Variants in TRIP12 observed in about 807,000 individuals in gnomAD.
TRIP12 encodes the protein E3 ubiquitin-protein ligase TRIP12.
TRIP12 carries 25 observed loss-of-function variants against 244.2 expected under a neutral mutation model. That is an observed-to-expected ratio of 0.10 (90% CI 0.07 to 0.14). TRIP12 has a LOEUF of 0.14. TRIP12 is among the 10% of genes least tolerant of loss of function. The pLI, the probability that TRIP12 is intolerant of heterozygous loss-of-function variation, is 1.00. For missense variants in TRIP12, 1,677 were observed against 2,486.4 expected (o/e 0.67, Z 6.92); for synonymous variants, 905 against 873.1 (o/e 1.04, Z -0.64).
At chr2:229,890,354 C>T (rs1001875267) in intron 1 of TRIP12, among the ~76,000 whole-genome samples, 2 of 152,148 alleles carry the variant, frequency 1.3e-5, no homozygotes, top group African/African-American at 2.4e-5. Context: ...CCTGCCTCGG[C>T]CTCCCAAGGT....
At chr2:229,817,897 C>T (rs1559611925) in intron 9 of TRIP12, among the ~76,000 whole-genome samples, 2 of 152,030 alleles carry the variant, frequency 1.3e-5, no homozygotes, top group South Asian at 2.1e-4. Flanking sequence ...CACTGGCCAA[C>T]ATAAAAGCTT....
In TRIP12 at chr2:229,792,046, G is replaced by A; in HGVS notation, c.4235C>T (p.Ser1412Leu). 1 of 1,614,060 alleles carries A rather than the reference G, an allele frequency of 6.2e-7. No individual in the cohort carries two copies. Among genetic ancestry groups the A allele is most frequent in the Non-Finnish European group, 8.5e-7 (1 of 1,179,978 alleles). The change falls in exon 29 of 42, where the codon TCA becomes TTA. Residue 1412 changes from serine (S) to leucine (L), a missense_variant. Transcript: ENST00000675903. ...CTGCAGCCTGTGTCTTACATTTCCT[G>A]AATTTAGGAACTGAGCAGCCTGAAT... is the stretch of plus-strand genomic sequence containing the variant. ...DESLAAQFLN[S>L]GNVRHRLQFY...
intron 4 of TRIP12, among the ~76,000 whole-genome samples, chr2:229,845,023 A>C (rs1222956937): frequency 6.6e-6 from 1 of 152,194 alleles, no homozygotes. Flanking sequence ...CTCCTCCACC[A>C]TACTGATTCA....
At chr2:229,779,834 C>G (rs1035889846) in intron 34 of TRIP12, among the ~76,000 whole-genome samples, 4 of 152,168 alleles carry the variant, frequency 2.6e-5, no homozygotes, top group Non-Finnish European at 5.9e-5. Context: ...CCATGAGACA[C>G]CTGATGTGGA....
chr2:229,803,194 A>C (rs1318734785), intron 20 of TRIP12, among the ~76,000 whole-genome samples: 1 of 152,246 alleles, frequency 6.6e-6, no homozygotes, highest in African/African-American at 2.4e-5. Flanking sequence ...ATTAAAAGAC[A>C]AACTGTAATC....
chr2:229,901,268 A>C (rs570002376), intron 1 of TRIP12, among the ~76,000 whole-genome samples: 1 of 152,060 alleles, frequency 6.6e-6, no homozygotes, highest in South Asian at 2.1e-4. Flanking sequence ...TATTTTGTTC[A>C]CAAAATGCTT....
At chr2:229,917,380 C>CAAAAAAAAAAAAAAAAAAAA (rs60397605) in intron 1 of TRIP12, among the ~76,000 whole-genome samples, 8 of 29,264 alleles carry the variant, frequency 2.7e-4, no homozygotes, top group African/African-American at 3.7e-4. Flanking sequence ...GACTCTGTCT[C>CAAAAAAAAAAAAAAAAAAAA]AAAAAAAAAA....
chr2:229,791,691 G>A lies in TRIP12; in HGVS notation c.4415+175C>T, dbSNP rs2041583840. On this transcript the variant is annotated intron_variant, in intron 29 of 41. Transcript: ENST00000675903. ...ATTTTCCGGTAGAATGAATGAGGAG[G>A]CTACATATACATATGCACCTTATCA... 10 of 634,414 alleles carry A rather than the reference G, an allele frequency of 1.6e-5. No individual in the cohort carries two copies. In the South Asian group the frequency reaches 2.0e-4, roughly 13 times the overall value. 39.3% of individuals were successfully genotyped at this position (634,414 alleles called of 1,614,324 possible). A position where few individuals can be genotyped will look rare whatever the true frequency, so the allele number is the denominator to read the frequency against.
Position 229,864,037 on chromosome 2 carries a change from AGAGAGAGAGAGTGTGTGTGTGTGT to A in TRIP12, c.99-3530_99-3507del, listed in dbSNP as rs1403396556. 6.6e-3 allele frequency among the ~76,000 whole-genome samples: 564 copies of A among 85,838 alleles called. 5 individuals carry two copies. The highest frequency in any genetic ancestry group is 0.02 in the African/African-American group (519 of 26,188). 56.3% of individuals were successfully genotyped at this position (85,838 alleles called of 152,430 possible). The stretch of plus-strand genomic sequence containing the variant: ...GAGAGAGAGAGAGAGAGAGAGAGAG[AGAGAGAGAGAGTGTGTGTGTGTGT>A]GTGTGTGTGTGTGTGTGCACGCGCA... On this transcript the variant is annotated intron_variant, in intron 2 of 41. Transcript: ENST00000675903.
intron 8 of TRIP12, among the ~76,000 whole-genome samples, chr2:229,823,556 G>C (rs1251507135): frequency 6.6e-6 from 1 of 151,936 alleles, no homozygotes; most frequent in African/African-American, 2.4e-5. Flanking sequence ...GGCACCTGTA[G>C]TCCCAGCTAC....
chr2:229,802,854 C>T (rs1599843), intron 20 of TRIP12, among the ~76,000 whole-genome samples: 140,030 of 152,136 alleles, frequency 0.92, 64,595 homozygotes, highest in East Asian at 1. Flanking sequence ...TAACTTCAAG[C>T]GCTACAAAAA....
At chr2:229,795,468 T>C (rs372703393) in intron 25 of TRIP12, 138 bp from the exon 26 acceptor site, 1 of 996,872 alleles carries the variant, frequency 1.0e-6, no homozygotes, top group East Asian at 2.7e-5. Context: ...CAGATTTGGT[T>C]TGAACGATGT....
rs541783390 is a variant in TRIP12, at chr2:229,840,528, C to T, written c.1133+294G>A. Among the ~76,000 whole-genome samples the T allele has an allele frequency of 2.6e-5, 4 of 151,938 alleles. No homozygotes were observed. The South Asian group carries it at 6.3e-4, about 24-fold the overall frequency. On this transcript the variant is annotated intron_variant, in intron 5 of 41. Transcript: ENST00000675903. ...ACCAGCCTGGCCAACATGGTGAAACCGCATCTCTACTAAAAATAAAAAAAT... is the reference window on the plus strand; with the variant it reads ...ACCAGCCTGGCCAACATGGTGAAACTGCATCTCTACTAAAAATAAAAAAAT...
chr2:229,901,445 A>AC (rs1181911270), intron 1 of TRIP12, among the ~76,000 whole-genome samples: 1 of 141,006 alleles, frequency 7.1e-6, no homozygotes, highest in Non-Finnish European at 1.5e-5. Flanking sequence ...ATATGGTGAA[A>AC]CCCCCCTCCT....
chr2:229,815,607 C>G (rs562649172), intron 9 of TRIP12, among the ~76,000 whole-genome samples: 1 of 152,026 alleles, frequency 6.6e-6, no homozygotes, highest in Admixed American at 6.6e-5. Context: ...TAGCTCTAAC[C>G]CCTTTCAGAA....
chr2:229,818,017 T>C (rs998381482), intron 9 of TRIP12, among the ~76,000 whole-genome samples: 4 of 151,990 alleles, frequency 2.6e-5, no homozygotes, highest in African/African-American at 9.7e-5. Flanking sequence ...CAGAGTGAGC[T>C]TCCCTGGCCT....
intron 29 of TRIP12, 59 bp downstream of exon 29, chr2:229,791,807 A>T: frequency 6.4e-7 from 1 of 1,566,210 alleles, no homozygotes; most frequent in East Asian, 2.2e-5. Context: ...GTGAATTCTA[A>T]AACACAAGAA....
At chr2:229,855,600 G>GT (rs1378982355) in intron 4 of TRIP12, among the ~76,000 whole-genome samples, 3 of 109,670 alleles carry the variant, frequency 2.7e-5, no homozygotes, top group Non-Finnish European at 3.7e-5. Flanking sequence ...ACTAACAAGG[G>GT]TTTAAAAAAA....
chr2:229,901,933 G>A (rs1311681328), intron 1 of TRIP12, among the ~76,000 whole-genome samples: 1 of 152,118 alleles, frequency 6.6e-6, no homozygotes, highest in East Asian at 1.9e-4. Context: ...AACCTCCCAG[G>A]AAGCAGGCTA....
Sources: gnomAD v4.1 joint callset for allele counts (sites outside exome capture counted in the v4.1 genomes callset) on GRCh38, gnomAD v4.1.1 for gene constraint, MANE v1.5 for transcripts, NCBI Gene and HGNC (gene_info 2026-07-23, HGNC 2026-07-21) for gene names.